LRRC47: variants seen among roughly 807,000 people sequenced by gnomAD.
LRRC47 encodes the protein leucine-rich repeat-containing protein 47.
Under a neutral mutation model 40.9 loss-of-function variants are expected in LRRC47, and 31 were observed. The ratio of observed to expected loss-of-function variants is 0.76; its 90% CI spans 0.57 to 1.02. The LOEUF is 1.02. Among genes scored for constraint, LRRC47 ranks in the 50% least tolerant of loss-of-function variants. The probability of loss-of-function intolerance (pLI) is 0.00; values close to 1 mark genes in which losing one functional copy is unlikely to be tolerated. For synonymous variants in LRRC47, 427 were observed against 371.9 expected (o/e 1.15, Z -1.70); for missense variants, 726 against 796.1 (o/e 0.91, Z 1.06).
At chr1:3,795,805 C>A in intron 1 of LRRC47, 57 bp downstream of exon 1, 1 of 1,458,146 alleles carries the variant, frequency 6.9e-7, no homozygotes, top group South Asian at 1.4e-5. Flanking sequence ...AGAGGGGTTC[C>A]TTCTCCAGGG....
intron 1 of LRRC47, among the ~76,000 whole-genome samples, chr1:3,787,631 G>A (rs547277437): frequency 4.1e-4 from 62 of 152,310 alleles, no homozygotes; most frequent in South Asian, 2.5e-3. Flanking sequence ...CAATCATCAC[G>A]TTAGAGAACA....
chr1:3,782,947 TGAGCTCCTGG>T (rs1643535370), intron 4 of LRRC47, 184 bp from the exon 5 acceptor site: 1 of 593,412 alleles, frequency 1.7e-6, no homozygotes, highest in Admixed American at 2.8e-5. Flanking sequence ...ATCACTATGG[TGAGCTCCTGG>T]GAGTGGAGGA....
intron 1 of LRRC47, among the ~76,000 whole-genome samples, chr1:3,791,569 G>C (rs190174280): frequency 1.0e-3 from 158 of 152,280 alleles, no homozygotes; most frequent in African/African-American, 3.6e-3. Flanking sequence ...CAATTCTCCT[G>C]CCTCAGCTTC....
chr1:3,786,873 T>C lies in LRRC47; in HGVS notation c.1053A>G (p.Ala351=), dbSNP rs376091307. The change falls in exon 2 of 7, where the codon GCA becomes GCG. Residue 351 remains alanine, a synonymous_variant. Transcript: ENST00000378251. ...CCTGCGAGGTGAGGAAGCGCTTGAG[T>C]GCATTCCCTGGCTGCAGGTCCATGC... ...VRGMDLQPGN[A]LKRFLTSQTK... The C allele has an allele frequency of 6.2e-6, 10 of 1,600,980 alleles. No individual in the cohort carries two copies. The highest frequency in any genetic ancestry group is 1.7e-4 in the Middle Eastern group (1 of 6,008).
intron 1 of LRRC47, among the ~76,000 whole-genome samples, chr1:3,790,294 G>A (rs974030748): frequency 2.6e-5 from 4 of 152,218 alleles, no homozygotes; most frequent in East Asian, 1.9e-4. Context: ...TGAGAAACTC[G>A]GAAGCTGGGG....
intron 6 of LRRC47, 45 bp downstream of exon 6, chr1:3,781,467 C>T (rs767126327): frequency 4.4e-6 from 7 of 1,588,428 alleles, no homozygotes; most frequent in South Asian, 1.1e-5. Flanking sequence ...CAGAGCACCA[C>T]TCACGCTCAA....
At chr1:3,794,120 G>A (rs1443503696) in intron 1 of LRRC47, among the ~76,000 whole-genome samples, 1 of 151,996 alleles carries the variant, frequency 6.6e-6, no homozygotes, top group African/African-American at 2.4e-5. Context: ...GCGTGAACCC[G>A]GGAGGCGGAG....
chr1:3,780,201 G>C lies in LRRC47; in HGVS notation c.*887C>G. 6.6e-6 allele frequency: 1 copy of C among 152,112 alleles called. No individual in the cohort carries two copies. The highest frequency in any genetic ancestry group is 1.5e-5 in the Non-Finnish European group (1 of 68,044). 9.4% of individuals were successfully genotyped at this position (152,112 alleles called of 1,614,324 possible). A position where few individuals can be genotyped will look rare whatever the true frequency, so the allele number is the denominator to read the frequency against. ...GCTTAGCCGCTGCTGTGTGATCACA[G>C]AGTCTTTACACAAGCCTCGATGGTG... On this transcript the variant is annotated 3_prime_UTR_variant, in exon 7 of 7. Transcript: ENST00000378251.
chr1:3,787,361 T>A, intron 1 of LRRC47, 51 bp from the exon 2 acceptor site: 1 of 1,528,584 alleles, frequency 6.5e-7, no homozygotes, highest in Non-Finnish European at 8.8e-7. Context: ...GGGAAGAGAG[T>A]CCAAGGTCAT....
chr1:3,787,835 T>C (rs1643590760), intron 1 of LRRC47, among the ~76,000 whole-genome samples: 1 of 152,032 alleles, frequency 6.6e-6, no homozygotes, highest in Non-Finnish European at 1.5e-5. Context: ...TTGCCCGCAG[T>C]GACACACAGA....
chr1:3,787,365 A>G, intron 1 of LRRC47, 55 bp from the exon 2 acceptor site: 2 of 1,510,228 alleles, frequency 1.3e-6, no homozygotes, highest in Non-Finnish European at 1.8e-6. Flanking sequence ...AGAGAGTCCA[A>G]GGTCATGCTC....
rs759174856 is a variant in LRRC47, at chr1:3,795,940, G to C, written c.537C>G (p.Pro179=). ...PAELFRPGAL[P]LLSELAAADN... is the part of the protein sequence containing the mutation. ...CAGCAGCCGCCAGTTCACTGAGCAG[G>C]GGCAGCGCGCCGGGGCGAAAGAGCT... The change falls in exon 1 of 7, where the codon CCC becomes CCG. Residue 179 remains proline (P), a synonymous_variant. Coordinates refer to ENST00000378251, the MANE Select transcript of LRRC47 (RefSeq NM_020710.3). The C allele has an allele frequency of 1.2e-6, 2 of 1,601,172 alleles. No individual in the cohort carries two copies. Among genetic ancestry groups the C allele is most frequent in the South Asian group, 1.1e-5 (1 of 89,424 alleles).
rs780929264 is a variant in LRRC47 at position 3,787,127 on chromosome 1, T to C, written c.799A>G (p.Lys267Glu). The part of the protein sequence containing the change: ...YLRVGGRGGG[K>E]GKGRAEGSEK... Reference sequence around the variant, plus strand: ...GAGCCCTCGGCACGGCCCTTGCCCTTCCCGCCACCACGGCCTCCGACGCGC... The same window carrying C: ...GAGCCCTCGGCACGGCCCTTGCCCTCCCCGCCACCACGGCCTCCGACGCGC... The change falls in exon 2 of 7, where the codon AAG (lysine) becomes GAG (glutamate). Residue 267 changes from lysine to glutamate, a missense_variant. By Grantham distance (56) the Lys-to-Glu change is moderately conservative. Transcript: ENST00000378251. The C allele has an allele frequency of 6.2e-7, 1 of 1,613,628 alleles. No individual in the cohort carries two copies. The highest frequency in any genetic ancestry group is 8.5e-7 in the Non-Finnish European group (1 of 1,180,016).
chr1:3,787,226 C>A lies in LRRC47; in HGVS notation c.700G>T (p.Gly234Trp). Residue 234 changes from glycine (G) to tryptophan (W), a missense_variant, in exon 2 of 7, where the codon GGG (glycine) becomes TGG (tryptophan). Gly to Trp is a radical substitution (Grantham distance 184). Coordinates refer to ENST00000378251, the MANE Select transcript of LRRC47 (RefSeq NM_020710.3). Reference sequence around the variant, plus strand: ...AGGCGCTTGTCCCTCAGCTTGTTCCCACGGAAATTGATCTCCTTGAGCTTG... The same window carrying A: ...AGGCGCTTGTCCCTCAGCTTGTTCCAACGGAAATTGATCTCCTTGAGCTTG... ...CPKLKEINFRGNKLRDKRLEK... is the reference protein window; with the variant it reads ...CPKLKEINFRWNKLRDKRLEK... 1 of 1,613,764 alleles carries A rather than the reference C, an allele frequency of 6.2e-7. No homozygotes were observed. The highest frequency in any genetic ancestry group is 8.5e-7 in the Non-Finnish European group (1 of 1,180,036).
chr1:3,789,432 G>A (rs2124613010), intron 1 of LRRC47, among the ~76,000 whole-genome samples: 1 of 152,398 alleles, frequency 6.6e-6, no homozygotes, highest in Non-Finnish European at 1.5e-5. Flanking sequence ...AACACGCAGT[G>A]CGGCGTCTCC....
chr1:3,784,546 G>C (rs1238546708), intron 3 of LRRC47, among the ~76,000 whole-genome samples: 1 of 148,596 alleles, frequency 6.7e-6, no homozygotes, highest in East Asian at 2.0e-4. Flanking sequence ...CAAAATTTCT[G>C]ATTAAAAGGT....
intron 4 of LRRC47, 106 bp from the exon 5 acceptor site, chr1:3,782,869 A>G: frequency 1.3e-6 from 1 of 743,448 alleles, no homozygotes; most frequent in East Asian, 2.5e-5. Context: ...CTGAGACAGG[A>G]GGGCTGCATG....
Position 3,781,030 on chromosome 1 carries a change from T to G in LRRC47, c.*58A>C. 1 of 1,576,788 alleles carries G rather than the reference T, an allele frequency of 6.3e-7. No individual in the cohort carries two copies. The highest frequency in any genetic ancestry group is 1.2e-5 in the South Asian group (1 of 86,776). Reference sequence around the variant, plus strand: ...GAAAATCTAACGGATAATTCAGCATTGCCGCATAGAAACCTCCGCAAAACC... The same window carrying G: ...GAAAATCTAACGGATAATTCAGCATGGCCGCATAGAAACCTCCGCAAAACC... On this transcript the variant is annotated 3_prime_UTR_variant, in exon 7 of 7. Transcript: ENST00000378251.
In LRRC47 at chr1:3,795,954, G is replaced by A. The variant is rs751505089; in HGVS notation, c.523C>T (p.Pro175Ser). 26 of 1,596,882 alleles carry A rather than the reference G, an allele frequency of 1.6e-5. No individual in the cohort carries two copies. Among genetic ancestry groups the A allele is most frequent in the South Asian group, 3.4e-5 (3 of 88,804 alleles). ...LDSFPAELFRPGALPLLSELA... is the reference protein window; with the variant it reads ...LDSFPAELFRSGALPLLSELA... ...TCACTGAGCAGGGGCAGCGCGCCGGGGCGAAAGAGCTCGGCGGGAAAGGAG... is the reference window on the plus strand; with the variant it reads ...TCACTGAGCAGGGGCAGCGCGCCGGAGCGAAAGAGCTCGGCGGGAAAGGAG... Residue 175 changes from proline to serine, a missense_variant, in exon 1 of 7, where the codon CCC becomes TCC. Pro to Ser is a moderately conservative substitution (Grantham distance 74, BLOSUM62 -1). Coordinates refer to ENST00000378251, the MANE Select transcript of LRRC47 (RefSeq NM_020710.3).
Sources: allele counts gnomAD v4.1 joint callset (sites outside exome capture counted in the v4.1 genomes callset), GRCh38; gene constraint gnomAD v4.1.1; transcripts MANE v1.5; gene names NCBI Gene and HGNC (gene_info 2026-07-23, HGNC 2026-07-21).